MAP4: variants seen among roughly 807,000 people sequenced by gnomAD.
MAP4 encodes the protein microtubule-associated protein 4.
MAP4 carries 76 observed loss-of-function variants against 170.2 expected under a neutral mutation model. The observed-to-expected ratio is 0.45, with a 90% CI of 0.37 to 0.54. The LOEUF is 0.54. Ranked by LOEUF, MAP4 falls within the 20% of genes least tolerant of loss-of-function variation. The probability of loss-of-function intolerance (pLI) is 0.00; values close to 1 mark genes in which losing one functional copy is unlikely to be tolerated. For missense variants in MAP4, 2,506 were observed against 2,748.0 expected (o/e 0.91, Z 1.97); for synonymous variants, 909 against 994.5 (o/e 0.91, Z 1.62).
At position 47,916,064 on chromosome 3, in the gene MAP4, G is replaced by A; in HGVS notation, c.1763C>T (p.Pro588Leu). Residue 588 changes from proline (P) to leucine (L), a missense_variant, in exon 7 of 21, where the codon CCA becomes CTA. Pro to Leu is a moderately conservative substitution (Grantham distance 98). Around this residue, in one of 3 missense-constraint regions of MAP4, gnomAD observed 2,008 missense variants for 2,206.0 expected, o/e 0.91. Transcript: ENST00000683076. ...TTGTGCAATTTCCATGTCTTTAATT[G>A]GAACTGGTGTTGCCTCTGTTTCTGA... is the stretch of plus-strand genomic sequence containing the variant. Reference protein sequence around the residue: ...PLSETEATPVPIKDMEIAQTQ... With the variant: ...PLSETEATPVLIKDMEIAQTQ... 6.2e-7 allele frequency: 1 copy of A among 1,614,196 alleles called. No individual in the cohort carries two copies. The highest frequency in any genetic ancestry group is 1.1e-5 in the South Asian group (1 of 91,076).
In MAP4 at chr3:47,852,807, G is replaced by A. The variant is rs1385344224; in HGVS notation, c.*127C>T. ...GCTCACTGGTCTAGTGGACAGCCCG[G>A]GAAAGGGGGCCAAGGACCCGGGAGC... On this transcript the variant is annotated 3_prime_UTR_variant, in exon 21 of 21. Coordinates refer to ENST00000683076, the MANE Select transcript of MAP4 (RefSeq NM_001385682.1). The A allele has an allele frequency of 6.5e-7, 1 of 1,549,770 alleles. No individual in the cohort carries two copies. The highest frequency in any genetic ancestry group is 8.7e-7 in the Non-Finnish European group (1 of 1,147,086).
chr3:48,021,255 T>C (rs1351089264), upstream of MAP4, among the ~76,000 whole-genome samples: 1 of 152,164 alleles, frequency 6.6e-6, no homozygotes, highest in Non-Finnish European at 1.5e-5. Context: ...GGAGTGCTTT[T>C]AGGAAAAACC....
intron 3 of MAP4, among the ~76,000 whole-genome samples, chr3:47,948,256 A>G (rs114369813): frequency 0.011 from 1,489 of 136,364 alleles, 25 homozygotes; most frequent in African/African-American, 0.039. Flanking sequence ...TGAGATAGGT[A>G]GGGTCTCAGC....
intron 1 of MAP4, among the ~76,000 whole-genome samples, chr3:48,040,422 C>T (rs1055516269): frequency 6.6e-6 from 1 of 151,980 alleles, no homozygotes; most frequent in African/African-American, 2.4e-5. Context: ...GCGCCTGCAG[C>T]CATGCCCAAC....
chr3:47,899,235 C>T (rs1317507394), intron 10 of MAP4, among the ~76,000 whole-genome samples: 1 of 152,190 alleles, frequency 6.6e-6, no homozygotes, highest in Non-Finnish European at 1.5e-5. Flanking sequence ...CACTGGGATT[C>T]CTTGTCTCTA....
intron 2 of MAP4, among the ~76,000 whole-genome samples, chr3:47,995,209 A>G (rs2100094691): frequency 6.6e-6 from 1 of 151,868 alleles, no homozygotes; most frequent in South Asian, 2.1e-4. Context: ...TTGCAACATC[A>G]AGATACTTTT....
chr3:47,877,285 A>C (rs2095633708), intron 11 of MAP4, 132 bp downstream of exon 11: 1 of 676,154 alleles, frequency 1.5e-6, no homozygotes, highest in Non-Finnish European at 2.6e-6. Context: ...TTTTCTAAGC[A>C]TGTCCAAACA....
At chr3:47,941,248 GGAA>G (rs1239310495) in intron 3 of MAP4, among the ~76,000 whole-genome samples, 22 of 115,722 alleles carry the variant, frequency 1.9e-4, no homozygotes, top group African/African-American at 3.5e-4. Context: ...AAAAAAAAAA[GGAA>G]GAAGAAGAAG....
chr3:47,951,037 G>A (rs2100063396), intron 3 of MAP4, among the ~76,000 whole-genome samples: 1 of 152,088 alleles, frequency 6.6e-6, no homozygotes, highest in Non-Finnish European at 1.5e-5. Flanking sequence ...GTCAGTTTTG[G>A]AACACATTAA....
intron 3 of MAP4, among the ~76,000 whole-genome samples, chr3:47,955,798 G>A (rs1048256985): frequency 3.3e-5 from 5 of 152,270 alleles, no homozygotes; most frequent in Middle Eastern, 3.4e-3. Flanking sequence ...AGCAAGAAAA[G>A]ATTCTATAGC....
chr3:48,059,089 A>G (rs1014903251), intron 1 of MAP4, among the ~76,000 whole-genome samples: 6 of 152,272 alleles, frequency 3.9e-5, no homozygotes, highest in Middle Eastern at 3.4e-3. Flanking sequence ...TTACAACATT[A>G]TTTTAAACAG....
intron 1 of MAP4, among the ~76,000 whole-genome samples, chr3:48,064,489 CA>C (rs780375561): frequency 7.8e-4 from 118 of 152,188 alleles, no homozygotes; most frequent in Non-Finnish European, 1.2e-3. Flanking sequence ...AATTCTCGGA[CA>C]GACTGATTTA....
intron 1 of MAP4, among the ~76,000 whole-genome samples, chr3:48,077,170 C>T (rs554706569): frequency 2.7e-5 from 4 of 150,842 alleles, no homozygotes; most frequent in Non-Finnish European, 5.9e-5. Flanking sequence ...AAGCCAGGCA[C>T]GGTGGCTCAC....
rs548681084 is a variant in MAP4, at chr3:48,084,386, T to TAAA, written c.-20+4384_-20+4386dup. ...TGCTGACAGAACATGATCTCATCTC[T>TAAA]AAAAAAAAAAAAAAAAAAGGAAAAA... On this transcript the variant is annotated intron_variant, in intron 1 of 18. Coordinates refer to the MAP4 transcript ENST00000360240. Among the ~76,000 whole-genome samples, 398 of 104,374 alleles carry TAAA rather than the reference T, an allele frequency of 3.8e-3. 4 individuals carry two copies. The highest frequency in any genetic ancestry group is 0.014 in the African/African-American group (383 of 28,158). 68.5% of individuals were successfully genotyped at this position (104,374 alleles called of 152,430 possible). A position where few individuals can be genotyped will look rare whatever the true frequency, so the allele number is the denominator to read the frequency against.
chr3:47,889,612 C>A (rs1441474853), intron 10 of MAP4, among the ~76,000 whole-genome samples: 1 of 152,194 alleles, frequency 6.6e-6, no homozygotes, highest in Non-Finnish European at 1.5e-5. Context: ...TGTCAGTCAT[C>A]TGAAATTTTT....
At chr3:48,052,017 G>A (rs1470719436) in intron 1 of MAP4, among the ~76,000 whole-genome samples, 1 of 152,162 alleles carries the variant, frequency 6.6e-6, no homozygotes, top group Non-Finnish European at 1.5e-5. Flanking sequence ...TAAACTGGAA[G>A]ATGTTTAATA....
chr3:47,928,168 AG>A, intron 4 of MAP4, 59 bp downstream of exon 4: 2 of 1,600,052 alleles, frequency 1.2e-6, no homozygotes, highest in Non-Finnish European at 1.7e-6. Context: ...TGGTGGTTGT[AG>A]CTTTTTCACA....
At chr3:47,997,707 C>CAAAGAAAGAAAGAAAG (rs59915035) in intron 2 of MAP4, among the ~76,000 whole-genome samples, 247 of 149,902 alleles carry the variant, frequency 1.6e-3, no homozygotes, top group African/African-American at 3.4e-3. Flanking sequence ...CTAGACTTAT[C>CAAAGAAAGAAAGAAAG]AAAGAAAGAA....
chr3:48,039,072 C>T (rs1489562292), intron 1 of MAP4, among the ~76,000 whole-genome samples: 4 of 152,036 alleles, frequency 2.6e-5, no homozygotes, highest in African/African-American at 9.7e-5. Context: ...CCACTGCACT[C>T]CAGCCTGGGA....
Sources: allele counts gnomAD v4.1 joint callset (sites outside exome capture counted in the v4.1 genomes callset), GRCh38; gene constraint gnomAD v4.1.1; regional missense constraint gnomAD v4.1.1; transcripts MANE v1.5; gene names NCBI Gene and HGNC (gene_info 2026-07-23, HGNC 2026-07-21).